The following RPN2 variants were observed in gnomAD, a reference collection of about 807,000 sequenced individuals.
The protein encoded by RPN2 is dolichyl-diphosphooligosaccharide--protein glycosyltransferase subunit 2.
A neutral mutation model predicts 71.4 loss-of-function variants in RPN2; 29 were observed. The observed-to-expected ratio is 0.41, with a 90% CI of 0.30 to 0.55. The LOEUF is 0.55. RPN2 is among the 20% of genes least tolerant of loss of function. The pLI is 0.35. For missense variants in RPN2, 726 were observed against 774.1 expected (o/e 0.94, Z 0.74); for synonymous variants, 308 against 305.0 (o/e 1.01, Z -0.10).
chr20:37,194,906 G>A (rs2067222467), intron 2 of RPN2, among the ~76,000 whole-genome samples: 1 of 152,176 alleles, frequency 6.6e-6, no homozygotes, highest in Non-Finnish European at 1.5e-5. Context: ...GCTGTTTATG[G>A]AGGAAATAGG....
intron 8 of RPN2, among the ~76,000 whole-genome samples, chr20:37,211,776 A>C (rs1263520281): frequency 6.6e-6 from 1 of 151,166 alleles, no homozygotes; most frequent in Admixed American, 6.6e-5. Context: ...CTTGTTGCCC[A>C]GGCTGGAGTG....
At chr20:37,240,131 T>C (rs2068514768) in intron 16 of RPN2, among the ~76,000 whole-genome samples, 1 of 152,198 alleles carries the variant, frequency 6.6e-6, no homozygotes, top group East Asian at 1.9e-4. Context: ...AGTCACTTGA[T>C]CATTTGGACA....
chr20:37,211,642 T>A (rs1460211405), intron 8 of RPN2, among the ~76,000 whole-genome samples: 1 of 67,760 alleles, frequency 1.5e-5, no homozygotes, highest in Admixed American at 1.5e-4. Context: ...GCTCCATCTC[T>A]ATTAAAAAAA....
intron 9 of RPN2, among the ~76,000 whole-genome samples, chr20:37,220,670 T>C (rs987294954): frequency 1.3e-5 from 2 of 152,248 alleles, no homozygotes; most frequent in Non-Finnish European, 2.9e-5. Context: ...TAAAAACGAA[T>C]CCTGCATTGT....
chr20:37,204,037 C>T (rs1302950097), intron 5 of RPN2, 77 bp downstream of exon 5: 17 of 1,012,544 alleles, frequency 1.7e-5, no homozygotes, highest in Non-Finnish European at 2.3e-5. Flanking sequence ...GATAGCCATG[C>T]ATGATCTGTT....
intron 7 of RPN2, among the ~76,000 whole-genome samples, chr20:37,208,703 A>G (rs951705877): frequency 1.3e-5 from 2 of 152,248 alleles, no homozygotes; most frequent in Non-Finnish European, 2.9e-5. Flanking sequence ...AACAGAGCAC[A>G]TGCACAGATC....
At chr20:37,236,538 T>TA in intron 15 of RPN2, 42 bp from the exon 16 acceptor site, 2 of 1,611,546 alleles carry the variant, frequency 1.2e-6, no homozygotes, top group South Asian at 2.2e-5. Context: ...AGGGCATCAT[T>TA]ATGTTTCATT....
chr20:37,223,626 TTTC>T (rs570632259), intron 9 of RPN2, among the ~76,000 whole-genome samples: 6 of 132,688 alleles, frequency 4.5e-5, no homozygotes, highest in East Asian at 3.9e-4. Context: ...TCTTTTCCTT[TTTC>T]TTCTTCTTTT....
chr20:37,230,265 G>A (rs1005868026), intron 13 of RPN2, among the ~76,000 whole-genome samples: 12 of 152,246 alleles, frequency 7.9e-5, no homozygotes. Context: ...CCAGAAAGCA[G>A]AGAGTTGAAG....
intron 7 of RPN2, among the ~76,000 whole-genome samples, chr20:37,208,033 A>G (rs922001809): frequency 1.3e-5 from 2 of 152,068 alleles, no homozygotes; most frequent in African/African-American, 4.8e-5. Flanking sequence ...GCACTTTGGG[A>G]GACTGAAGCA....
At chr20:37,227,090 G>T (rs1600831584) in intron 11 of RPN2, among the ~76,000 whole-genome samples, 2 of 152,174 alleles carry the variant, frequency 1.3e-5, no homozygotes, top group East Asian at 3.8e-4. Flanking sequence ...CCACAGTCCT[G>T]GGAGTCCTCT....
intron 4 of RPN2, among the ~76,000 whole-genome samples, chr20:37,202,862 G>A (rs2067423631): frequency 6.6e-6 from 1 of 152,166 alleles, no homozygotes; most frequent in South Asian, 2.1e-4. Flanking sequence ...CGTAGAGATA[G>A]AACATAGATT....
intron 2 of RPN2, among the ~76,000 whole-genome samples, chr20:37,188,973 A>T (rs2067077265): frequency 6.6e-6 from 1 of 151,158 alleles, no homozygotes; most frequent in Non-Finnish European, 1.5e-5. Context: ...TCTTACTGTC[A>T]TCCGGGCTGG....
chr20:37,225,900 T>C, intron 11 of RPN2, 98 bp downstream of exon 11: 1 of 865,032 alleles, frequency 1.2e-6, no homozygotes, highest in South Asian at 1.4e-5. Flanking sequence ...GAATTCCACG[T>C]TCCTGCTTTC....
Position 37,224,562 on chromosome 20 carries a change from C to G in RPN2, c.1184+593C>G, listed in dbSNP as rs145926175. Among the ~76,000 whole-genome samples the G allele has an allele frequency of 6.8e-4, 103 of 152,328 alleles. 2 individuals carry two copies. The highest frequency in any genetic ancestry group is 6.8e-3 in the Middle Eastern group (2 of 294). On this transcript the variant is annotated intron_variant, in intron 10 of 16. Coordinates refer to ENST00000237530, the MANE Select transcript of RPN2 (RefSeq NM_002951.5). ...TCATAGAACATTTGCTCCCACTGAA[C>G]TCAGACACAGCCTCAGAATCTTTTT... is the stretch of plus-strand genomic sequence containing the variant.
chr20:37,221,031 A>T (rs1350042399), intron 9 of RPN2, among the ~76,000 whole-genome samples: 1 of 152,148 alleles, frequency 6.6e-6, no homozygotes, highest in Admixed American at 6.5e-5. Flanking sequence ...TTGTCTGGGG[A>T]TGCTCAGGAT....
At chr20:37,202,674 C>CTT (rs1403059944) in intron 4 of RPN2, among the ~76,000 whole-genome samples, 1 of 152,048 alleles carries the variant, frequency 6.6e-6, no homozygotes, top group African/African-American at 2.4e-5. Flanking sequence ...TCTTAAAAAG[C>CTT]TTATCTTCCA....
At chr20:37,205,785 G>A (rs1039820146) in intron 6 of RPN2, among the ~76,000 whole-genome samples, 2 of 152,102 alleles carry the variant, frequency 1.3e-5, no homozygotes, top group Non-Finnish European at 1.5e-5. Flanking sequence ...TTTCTGTTAT[G>A]GGTGAAATTG....
chr20:37,203,162 T>A (rs1468425936), intron 4 of RPN2, among the ~76,000 whole-genome samples: 1 of 152,070 alleles, frequency 6.6e-6, no homozygotes, highest in Non-Finnish European at 1.5e-5. Context: ...CAGGCTTAAG[T>A]GATCCTCCTG....
Sources: gnomAD v4.1 joint callset for allele counts (sites outside exome capture counted in the v4.1 genomes callset) on GRCh38, gnomAD v4.1.1 for gene constraint, MANE v1.5 for transcripts, NCBI Gene and HGNC (gene_info 2026-07-23, HGNC 2026-07-21) for gene names.